Variants in ALMS1 observed in about 807,000 individuals in gnomAD.
ALMS1 encodes ALMS1 centrosome and basal body associated protein.
ALMS1 carries 271 observed loss-of-function variants against 352.2 expected under a neutral mutation model. The ratio of observed to expected loss-of-function variants is 0.77; its 90% CI spans 0.70 to 0.85. The LOEUF (loss-of-function observed/expected upper bound fraction) is 0.85. ALMS1 is among the 40% of genes least tolerant of loss of function. ALMS1 has a pLI of 0.00. For synonymous variants in ALMS1, 1,865 were observed against 1,761.2 expected (o/e 1.06, Z -1.48); for missense variants, 5,445 against 4,870.7 (o/e 1.12, Z -3.51).
chr2:73,399,310 C>T (rs1220073182), intron 1 of ALMS1, among the ~76,000 whole-genome samples: 4 of 152,092 alleles, frequency 2.6e-5, no homozygotes, highest in African/African-American at 9.7e-5. Flanking sequence ...ATTATGTCGT[C>T]ATTGTGTTGC....
chr2:73,453,314 C>T lies in ALMS1; in HGVS notation c.6787C>T (p.Arg2263Trp), dbSNP rs766277655. ...TAGTGCTAAAACTCTTAAGGAAATT[C>T]GGACACTTTTGATGGAGGCAGAAAA... Reference protein sequence around the residue: ...ENSAKTLKEIRTLLMEAENMA... With the variant: ...ENSAKTLKEIWTLLMEAENMA... Residue 2263 changes from arginine (R) to tryptophan (W), a missense_variant, in exon 8 of 23, where the codon CGG (arginine) becomes TGG (tryptophan). Physicochemically the swap from Arg to Trp is moderately radical, Grantham distance 101 (BLOSUM62 -3). Transcript: ENST00000613296. 53 of 1,613,820 alleles carry T rather than the reference C, an allele frequency of 3.3e-5. No individual in the cohort carries two copies. Among genetic ancestry groups the T allele is most frequent in the Admixed American group, 1.0e-4 (6 of 59,964 alleles).
intron 9 of ALMS1, chr2:73,459,582 C>T (rs920344414): frequency 1.4e-4 from 22 of 151,870 alleles, no homozygotes; most frequent in African/African-American, 4.6e-4. Flanking sequence ...TTGGATTTTT[C>T]GTTTACTCAA....
chr2:73,602,352 C>T lies in ALMS1; in HGVS notation c.12282C>T (p.Cys4094=), dbSNP rs760968067. The change falls in exon 20 of 23, where the codon TGC becomes TGT. Residue 4094 remains cysteine, a synonymous_variant. Transcript: ENST00000613296. ...RERQGHQNRM[C]PLPKRVFLAI... ...GGCAGGGCCACCAGAATCGCATGTG[C>T]CCGCTGCCCAAGAGAGGTACGCCCT... The T allele has an allele frequency of 8.1e-6, 13 of 1,614,018 alleles. No individual in the cohort carries two copies. The East Asian group carries it at 2.2e-4, about 28-fold the overall frequency.
chr2:73,455,118 T>C, intron 8 of ALMS1, 44 bp from the exon 9 acceptor site: 1 of 1,606,186 alleles, frequency 6.2e-7, no homozygotes, highest in Non-Finnish European at 8.5e-7. Flanking sequence ...TGACAAATTA[T>C]CACTTTTGCA....
intron 21 of ALMS1, among the ~76,000 whole-genome samples, chr2:73,608,018 G>T (rs553744168): frequency 6.6e-6 from 1 of 152,034 alleles, no homozygotes; most frequent in South Asian, 2.1e-4. Flanking sequence ...GAGCCTTTCC[G>T]AACCTCCTTC....
chr2:73,517,726 C>G (rs1008917288), intron 10 of ALMS1, among the ~76,000 whole-genome samples: 2 of 151,718 alleles, frequency 1.3e-5, no homozygotes, highest in East Asian at 3.9e-4. Context: ...GGCGCAATCT[C>G]GGTTCATTGC....
chr2:73,395,022 A>G (rs1327160921), intron 1 of ALMS1, among the ~76,000 whole-genome samples: 6 of 141,082 alleles, frequency 4.3e-5, no homozygotes, highest in Admixed American at 2.9e-4. Flanking sequence ...ATGTGTATAT[A>G]TATGTGTATA....
At chr2:73,482,392 A>G (rs372590273) in intron 9 of ALMS1, among the ~76,000 whole-genome samples, 7 of 151,976 alleles carry the variant, frequency 4.6e-5, no homozygotes, top group Non-Finnish European at 8.8e-5. Context: ...ATTGATTTGC[A>G]TATATTGAAC....
chr2:73,536,971 C>G (rs917387472), intron 12 of ALMS1, among the ~76,000 whole-genome samples: 3 of 152,086 alleles, frequency 2.0e-5, no homozygotes, highest in Non-Finnish European at 4.4e-5. Flanking sequence ...CTTTCTTTTC[C>G]AAGACCAGAG....
intron 20 of ALMS1, 115 bp downstream of exon 20, chr2:73,602,483 C>A: frequency 3.9e-6 from 5 of 1,290,348 alleles, no homozygotes; most frequent in Non-Finnish European, 5.5e-6. Context: ...CAGACAGTGA[C>A]CTTTTGCTTG....
rs1375536245 is a variant in ALMS1, at chr2:73,424,348, CAT to C, written c.765-79_765-78del. ...TTTCAAATAAACTTGATTTCAGTGA[CAT>C]ATGTATTTTTGTGTTAGTACTTAAA... On this transcript the variant is annotated intron_variant, in intron 4 of 22. Transcript: ENST00000613296. The C allele has an allele frequency of 3.1e-5, 27 of 865,838 alleles. No homozygotes were observed. In the East Asian group the frequency reaches 4.5e-4, roughly 15 times the overall value. The allele number at this position is 865,838 out of a possible 1,614,324, so 53.6% of individuals were successfully genotyped here.
rs530679935 is a variant in ALMS1, at chr2:73,577,360, T to C, written c.11547+3936T>C. ...TATTTAGATTTTGTTTCTTCTTGAG[T>C]CAGTTTCTGTAGTTTGTGTTTCTAG... On this transcript the variant is annotated intron_variant, in intron 16 of 22. Transcript: ENST00000613296. Among the ~76,000 whole-genome samples the C allele has an allele frequency of 2.0e-5, 3 of 152,182 alleles. No individual in the cohort carries two copies. In the East Asian group the frequency reaches 5.8e-4, roughly 29 times the overall value.
At position 73,519,773 on chromosome 2, in the gene ALMS1, A is replaced by G; in HGVS notation, c.9540-2A>G. 1 of 1,613,870 alleles carries G rather than the reference A, an allele frequency of 6.2e-7. No individual in the cohort carries two copies. Among genetic ancestry groups the G allele is most frequent in the Non-Finnish European group, 8.5e-7 (1 of 1,179,888 alleles). On this transcript the variant is annotated splice_acceptor_variant, in intron 10 of 22. Transcript: ENST00000613296. LOFTEE classifies it high-confidence loss of function. ...GCTGTATTCTTTCTCTTTTTTGGTCAGATTACCAGAGAAGATGAAGACCCC... is the reference window on the plus strand; with the variant it reads ...GCTGTATTCTTTCTCTTTTTTGGTCGGATTACCAGAGAAGATGAAGACCCC...
intron 10 of ALMS1, among the ~76,000 whole-genome samples, chr2:73,496,190 A>G (rs1278524431): frequency 6.6e-6 from 1 of 152,178 alleles, no homozygotes; most frequent in Non-Finnish European, 1.5e-5. Flanking sequence ...CTACAGTTTC[A>G]TATGAGCAGT....
intron 13 of ALMS1, 113 bp downstream of exon 13, chr2:73,550,550 CT>C: frequency 7.2e-7 from 1 of 1,390,924 alleles, no homozygotes; most frequent in Non-Finnish European, 1.0e-6. Context: ...AGCTTTTCTC[CT>C]TGCTGTTATA....
chr2:73,519,700 C>T (rs1673631591), intron 10 of ALMS1, 75 bp from the exon 11 acceptor site: 2 of 1,590,890 alleles, frequency 1.3e-6, no homozygotes, highest in South Asian at 1.1e-5. Context: ...TTCCTTGAAA[C>T]CACTTTTGGA....
intron 9 of ALMS1, chr2:73,470,436 T>C (rs1449909667): frequency 6.6e-6 from 1 of 151,862 alleles, no homozygotes; most frequent in Non-Finnish European, 1.5e-5. Flanking sequence ...CCACTGGTTG[T>C]TTTAAGAGTG....
At chr2:73,485,369 C>G (rs941958727) in intron 9 of ALMS1, among the ~76,000 whole-genome samples, 1 of 152,216 alleles carries the variant, frequency 6.6e-6, no homozygotes, top group Non-Finnish European at 1.5e-5. Flanking sequence ...TGGGAGGTGC[C>G]TCCCTGTTAG....
At chr2:73,585,704 A>C in intron 16 of ALMS1, among the ~76,000 whole-genome samples, 1 of 143,208 alleles carries the variant, frequency 7.0e-6, no homozygotes, top group East Asian at 2.0e-4. Context: ...GATGATGATC[A>C]TTTTTGCATA....
Sources: allele counts gnomAD v4.1 joint callset (sites outside exome capture counted in the v4.1 genomes callset), GRCh38; gene constraint gnomAD v4.1.1; transcripts MANE v1.5; gene names NCBI Gene and HGNC (gene_info 2026-07-23, HGNC 2026-07-21).